The following RIMS4 variants were observed in gnomAD, a reference collection of about 807,000 sequenced individuals.
The protein encoded by RIMS4 is regulating synaptic membrane exocytosis 4, also known as regulating synaptic membrane exocytosis protein 4.
RIMS4 carries 9 observed loss-of-function variants against 29.0 expected under a neutral mutation model. That is an observed-to-expected ratio of 0.31 (90% CI 0.19 to 0.54). RIMS4 has a LOEUF of 0.54. RIMS4 is among the 20% of genes least tolerant of loss of function. The probability of loss-of-function intolerance (pLI) is 0.94; values close to 1 mark genes in which losing one functional copy is unlikely to be tolerated. For synonymous variants in RIMS4, 130 were observed against 152.9 expected (o/e 0.85, Z 1.10); for missense variants, 193 against 365.7 (o/e 0.53, Z 3.85).
At chr20:44,760,192 A>G (rs2066078054) in intron 2 of RIMS4, among the ~76,000 whole-genome samples, 2 of 152,226 alleles carry the variant, frequency 1.3e-5, no homozygotes, top group Non-Finnish European at 2.9e-5. Flanking sequence ...AGGATCCTTG[A>G]GGACGGTCTG....
chr20:44,759,786 TA>T (rs1258275023), intron 2 of RIMS4, among the ~76,000 whole-genome samples: 1 of 152,232 alleles, frequency 6.6e-6, no homozygotes, highest in African/African-American at 2.4e-5. Context: ...GCAAAACCCA[TA>T]AACTCTACTA....
chr20:44,768,574 T>C (rs2066123685), intron 2 of RIMS4, among the ~76,000 whole-genome samples: 1 of 152,202 alleles, frequency 6.6e-6, no homozygotes, highest in Admixed American at 6.5e-5. Flanking sequence ...TCCTTCTGTG[T>C]CCCTACCTCG....
rs2066209974 is a variant in RIMS4, at chr20:44,786,625, C to A, written c.98-15212G>T. 1.3e-5 allele frequency among the ~76,000 whole-genome samples: 2 copies of A among 152,202 alleles called. 1 individual carries two copies. Among genetic ancestry groups the A allele is most frequent in the South Asian group, 4.1e-4 (2 of 4,828 alleles). On this transcript the variant is annotated intron_variant, in intron 1 of 5. Transcript: ENST00000372851. ...TGGCAGCATAATTCTGTAGTTACAA[C>A]TATAGTCTAAGTGCTTAGAAGAGAA...
At position 44,756,749 on chromosome 20, in the gene RIMS4, T is replaced by C; in HGVS notation, c.591+149A>G. On this transcript the variant is annotated intron_variant, in intron 5 of 5. Transcript: ENST00000372851. This position sits in a 1 kb window ranked among gnomAD's most constrained non-coding sequence, Gnocchi z 5.9. ...TGTGCAGTAAGTTGTGGAGCTCAGTTCAGCCACAGTGAACTGAGGGCCTCG... is the reference window on the plus strand; with the variant it reads ...TGTGCAGTAAGTTGTGGAGCTCAGTCCAGCCACAGTGAACTGAGGGCCTCG... 1.5e-6 allele frequency: 1 copy of C among 658,654 alleles called. No individual in the cohort carries two copies. Among genetic ancestry groups the C allele is most frequent in the Non-Finnish European group, 2.5e-6 (1 of 392,654 alleles). 40.8% of individuals were successfully genotyped at this position (658,654 alleles called of 1,614,324 possible).
chr20:44,789,669 C>T (rs1288013586), intron 1 of RIMS4, among the ~76,000 whole-genome samples: 1 of 152,180 alleles, frequency 6.6e-6, no homozygotes, highest in African/African-American at 2.4e-5. Flanking sequence ...AATCGTCGTA[C>T]GTCAGCCTCC....
At chr20:44,793,602 A>G (rs2066242193) in intron 1 of RIMS4, among the ~76,000 whole-genome samples, 1 of 152,148 alleles carries the variant, frequency 6.6e-6, no homozygotes, top group African/African-American at 2.4e-5. Context: ...CTGAAAGCTG[A>G]CTCAGGGCCA....
At chr20:44,761,134 T>G (rs116192981) in intron 2 of RIMS4, among the ~76,000 whole-genome samples, 2 of 152,324 alleles carry the variant, frequency 1.3e-5, no homozygotes, top group African/African-American at 4.8e-5. Context: ...ACAGCGGGAC[T>G]TGATACAGAG....
intron 1 of RIMS4, among the ~76,000 whole-genome samples, chr20:44,794,014 G>A (rs1045571762): frequency 6.6e-6 from 1 of 152,186 alleles, no homozygotes; most frequent in Non-Finnish European, 1.5e-5. Context: ...GGCTTCAGTG[G>A]GCCATGACTG....
At chr20:44,780,853 A>G (rs1342596946) in intron 1 of RIMS4, among the ~76,000 whole-genome samples, 1 of 152,198 alleles carries the variant, frequency 6.6e-6, no homozygotes, top group African/African-American at 2.4e-5. Flanking sequence ...AGATGAAGTG[A>G]GTGAAAGCAA....
chr20:44,784,987 C>A (rs2066201464), intron 1 of RIMS4, among the ~76,000 whole-genome samples: 1 of 152,198 alleles, frequency 6.6e-6, no homozygotes, highest in Non-Finnish European at 1.5e-5. Flanking sequence ...TGAGATTCAG[C>A]ACTTCTCACA....
chr20:44,804,625 T>C (rs2066290632), intron 1 of RIMS4, among the ~76,000 whole-genome samples: 1 of 152,226 alleles, frequency 6.6e-6, no homozygotes, highest in Non-Finnish European at 1.5e-5. Context: ...CTTCCTTCCA[T>C]TCTCGCTCTC....
chr20:44,784,662 G>A (rs533998354), intron 1 of RIMS4, among the ~76,000 whole-genome samples: 12 of 152,232 alleles, frequency 7.9e-5, no homozygotes, highest in Non-Finnish European at 7.3e-5. Context: ...CTTAACGCAC[G>A]CTGGGTCTCC....
intron 1 of RIMS4, among the ~76,000 whole-genome samples, chr20:44,796,727 T>C (rs1405730208): frequency 2.0e-5 from 3 of 152,120 alleles, no homozygotes; most frequent in Admixed American, 6.5e-5. Context: ...GCTGAGGAAA[T>C]GGCCTAAGTG....
At chr20:44,791,625 C>A (rs145763676) in intron 1 of RIMS4, among the ~76,000 whole-genome samples, 1 of 152,182 alleles carries the variant, frequency 6.6e-6, no homozygotes, top group Non-Finnish European at 1.5e-5. Flanking sequence ...CTCCCACTCC[C>A]GGGTGTGGAA....
intron 2 of RIMS4, among the ~76,000 whole-genome samples, chr20:44,767,673 C>T (rs531083781): frequency 7.4e-4 from 113 of 152,304 alleles, no homozygotes; most frequent in Middle Eastern, 3.4e-3. Context: ...GGCTGTGTGA[C>T]GTGGGGCAAC....
At chr20:44,757,965 C>A in intron 3 of RIMS4, 107 bp downstream of exon 3, 2 of 994,006 alleles carry the variant, frequency 2.0e-6, no homozygotes, top group East Asian at 2.4e-5. Context: ...AGGCGGCATG[C>A]GCAGAGGATG....
At chr20:44,767,225 G>A (rs1036639276) in intron 2 of RIMS4, among the ~76,000 whole-genome samples, 13 of 152,216 alleles carry the variant, frequency 8.5e-5, no homozygotes, top group African/African-American at 3.1e-4. Flanking sequence ...CGTCAATAGG[G>A]AGTATCTCAG....
chr20:44,785,586 T>A (rs1490302911), intron 1 of RIMS4, among the ~76,000 whole-genome samples: 1 of 152,062 alleles, frequency 6.6e-6, no homozygotes, highest in Non-Finnish European at 1.5e-5. Flanking sequence ...CAACAGGGGA[T>A]AGAAAAAGAA....
chr20:44,762,480 G>A (rs560885803), intron 2 of RIMS4, among the ~76,000 whole-genome samples: 23 of 152,292 alleles, frequency 1.5e-4, no homozygotes, highest in African/African-American at 4.1e-4. Context: ...TGGAAGGAGC[G>A]CAGCCTCCCA....
Sources: gnomAD v4.1 joint callset for allele counts (sites outside exome capture counted in the v4.1 genomes callset) on GRCh38, gnomAD v4.1.1 for gene constraint, Gnocchi (gnomAD v3.1) non-coding constraint, MANE v1.5 for transcripts, NCBI Gene and HGNC (gene_info 2026-07-23, HGNC 2026-07-21) for gene names.